The following MCTP1 variants were observed in gnomAD, a reference collection of about 807,000 sequenced individuals.
MCTP1 encodes the protein multiple C2 and transmembrane domain containing 1.
In MCTP1, 69 loss-of-function variants were observed where a neutral mutation model predicts 120.6. The ratio of observed to expected loss-of-function variants is 0.57; its 90% CI spans 0.47 to 0.70. The LOEUF is 0.70. MCTP1 is among the 30% of genes least tolerant of loss of function. MCTP1 has a pLI of 0.00. For missense variants in MCTP1, 1,203 were observed against 1,248.8 expected, an observed-to-expected ratio of 0.96 and a Z score of 0.55; for synonymous variants, 529 against 493.1, an observed-to-expected ratio of 1.07 and a Z score of -0.96.
chr5:94,961,709 T>A (rs1824249515), intron 2 of MCTP1, among the ~76,000 whole-genome samples: 2 of 152,192 alleles, frequency 1.3e-5, no homozygotes, highest in Non-Finnish European at 2.9e-5. Context: ...ATCATTCCAG[T>A]GTGTAACAAT....
chr5:95,197,473 T>C (rs1025123281), intron 1 of MCTP1, among the ~76,000 whole-genome samples: 18 of 152,196 alleles, frequency 1.2e-4, no homozygotes, highest in Non-Finnish European at 2.5e-4. Context: ...TCATCATCAA[T>C]TGAGCAATAG....
At chr5:94,949,365 A>G (rs1819908266) in intron 3 of MCTP1, among the ~76,000 whole-genome samples, 3 of 152,082 alleles carry the variant, frequency 2.0e-5, no homozygotes, top group South Asian at 4.1e-4. Context: ...TCTCAACTAA[A>G]AGCACTGCAT....
At chr5:94,855,833 T>C (rs1217528123) in intron 17 of MCTP1, among the ~76,000 whole-genome samples, 1 of 151,850 alleles carries the variant, frequency 6.6e-6, no homozygotes, top group East Asian at 1.9e-4. Flanking sequence ...AACGTTTCTC[T>C]GATGAATGTT....
At chr5:94,892,263 C>T (rs1414134478) in intron 11 of MCTP1, among the ~76,000 whole-genome samples, 4 of 152,306 alleles carry the variant, frequency 2.6e-5, no homozygotes, top group Non-Finnish European at 5.9e-5. Context: ...CTCTAAATAA[C>T]ATTTCAAGCC....
intron 1 of MCTP1, among the ~76,000 whole-genome samples, chr5:95,055,060 C>T (rs1052746446): frequency 6.6e-6 from 1 of 152,164 alleles, no homozygotes; most frequent in African/African-American, 2.4e-5. Flanking sequence ...GATCACCTGC[C>T]TCAGCGGCTA....
chr5:95,027,965 C>T (rs539140307), intron 1 of MCTP1, among the ~76,000 whole-genome samples: 1 of 152,314 alleles, frequency 6.6e-6, no homozygotes, highest in African/African-American at 2.4e-5. Context: ...GAAATCACTT[C>T]ATGCATCCAC....
chr5:95,024,676 C>CACACAT (rs1414217003), intron 1 of MCTP1, among the ~76,000 whole-genome samples: 2 of 151,772 alleles, frequency 1.3e-5, no homozygotes, highest in East Asian at 3.9e-4. Flanking sequence ...CACACACACA[C>CACACAT]ACCCCTAAAT....
At chr5:94,817,239 C>T (rs979114221) in intron 17 of MCTP1, among the ~76,000 whole-genome samples, 2 of 152,136 alleles carry the variant, frequency 1.3e-5, no homozygotes, top group Admixed American at 6.5e-5. Context: ...CTCGTCTCTA[C>T]TAAAAATACA....
At chr5:95,050,487 C>A (rs1745612667) in intron 1 of MCTP1, among the ~76,000 whole-genome samples, 1 of 152,170 alleles carries the variant, frequency 6.6e-6, no homozygotes, top group African/African-American at 2.4e-5. Context: ...CATCACCAGT[C>A]ACATTCAGAT....
rs150184062 is a variant in MCTP1, at chr5:94,936,031, A to T, written c.1174-4040T>A. On this transcript the variant is annotated intron_variant, in intron 5 of 22. Coordinates refer to ENST00000515393, the MANE Select transcript of MCTP1 (RefSeq NM_024717.7). ...AGAGAATTTATTAAGCTGATACTTG[A>T]CATGTTACAGAATGAAGAAAATACA... Among the ~76,000 whole-genome samples, 259 of 152,168 alleles carry T rather than the reference A, an allele frequency of 1.7e-3. 1 individual carries two copies. The highest frequency in any genetic ancestry group is 6.0e-3 in the African/African-American group (250 of 41,544).
chr5:94,998,051 TTTTA>T (rs1354409185), intron 2 of MCTP1, among the ~76,000 whole-genome samples: 2 of 152,162 alleles, frequency 1.3e-5, no homozygotes, highest in African/African-American at 2.4e-5. Context: ...GCAGTAAAAA[TTTTA>T]TTTGCTTTTT....
chr5:94,740,297 A>G (rs1253817308), intron 19 of MCTP1, among the ~76,000 whole-genome samples: 1 of 152,168 alleles, frequency 6.6e-6, no homozygotes, highest in African/African-American at 2.4e-5. Flanking sequence ...GTTGAATTTG[A>G]TTTTTTTAGA....
chr5:94,853,168 T>C (rs1415442753), intron 17 of MCTP1, among the ~76,000 whole-genome samples: 2 of 151,938 alleles, frequency 1.3e-5, no homozygotes, highest in African/African-American at 4.8e-5. Context: ...AAAATTGTTA[T>C]AAAGGTGAAC....
chr5:94,996,778 C>T (rs1832707235), intron 2 of MCTP1, among the ~76,000 whole-genome samples: 1 of 152,072 alleles, frequency 6.6e-6, no homozygotes, highest in Admixed American at 6.6e-5. Flanking sequence ...TTGATATTAA[C>T]AGTAGTTGTA....
chr5:95,027,873 G>C (rs548438668), intron 1 of MCTP1, among the ~76,000 whole-genome samples: 1 of 152,202 alleles, frequency 6.6e-6, no homozygotes, highest in South Asian at 2.1e-4. Context: ...GATCAAGAGA[G>C]CAACCAGTTA....
At position 95,264,134 on chromosome 5, in the gene MCTP1, A is replaced by T. The variant is rs181188348; in HGVS notation, c.720+19722T>A. On this transcript the variant is annotated intron_variant, in intron 1 of 22. Transcript: ENST00000515393. ...AACTGCTTATATTCTAGGCTCTGAA[A>T]GGAGGAAAAGAGGATGGTAAGTGGA... Among the ~76,000 whole-genome samples, 223 of 152,294 alleles carry T rather than the reference A, an allele frequency of 1.5e-3. 2 individuals are homozygous for T. The highest frequency in any genetic ancestry group is 5.2e-3 in the African/African-American group (215 of 41,572).
chr5:95,162,639 C>T (rs924634052), intron 1 of MCTP1, among the ~76,000 whole-genome samples: 1 of 152,164 alleles, frequency 6.6e-6, no homozygotes, highest in African/African-American at 2.4e-5. Flanking sequence ...ATGCCATGAT[C>T]CAATGTGAAA....
chr5:95,186,331 T>C (rs976322514), intron 1 of MCTP1, among the ~76,000 whole-genome samples: 2 of 149,226 alleles, frequency 1.3e-5, no homozygotes, highest in African/African-American at 4.9e-5. Flanking sequence ...AGTTGCAAGA[T>C]AGAAGATCAA....
chr5:95,012,535 C>A (rs538753707), intron 2 of MCTP1, among the ~76,000 whole-genome samples: 1 of 152,238 alleles, frequency 6.6e-6, no homozygotes, highest in South Asian at 2.1e-4. Flanking sequence ...CTATCAGCAC[C>A]ATTTTTCAAA....
Sources: allele counts gnomAD v4.1 joint callset (sites outside exome capture counted in the v4.1 genomes callset), GRCh38; gene constraint gnomAD v4.1.1; transcripts MANE v1.5; gene names NCBI Gene and HGNC (gene_info 2026-07-23, HGNC 2026-07-21).